Variants in PTER observed in about 807,000 individuals in gnomAD.
PTER encodes N-acetyltaurine hydrolase.
A neutral mutation model predicts 29.6 loss-of-function variants in PTER; 38 were observed. The ratio of observed to expected loss-of-function variants is 1.28; its 90% CI spans 0.99 to 1.68. The LOEUF (loss-of-function observed/expected upper bound fraction) is 1.68, where lower values mean the gene tolerates loss of function less well. PTER is among the 40% of genes most tolerant of loss of function. PTER has a pLI of 0.00. For missense variants in PTER, 482 were observed against 427.8 expected (o/e 1.13, Z -1.12); for synonymous variants, 172 against 154.5 (o/e 1.11, Z -0.84).
intron 3 of PTER, among the ~76,000 whole-genome samples, chr10:16,502,294 A>T (rs975580480): frequency 1.3e-5 from 2 of 152,154 alleles, no homozygotes; most frequent in South Asian, 4.1e-4. Context: ...TCCCGCTTAC[A>T]TTACTTTAAT....
intron 1 of PTER, among the ~76,000 whole-genome samples, chr10:16,467,962 G>A (rs549424689): frequency 2.7e-4 from 41 of 152,266 alleles, no homozygotes; most frequent in African/African-American, 5.1e-4. Context: ...TAGCTCTTCC[G>A]ATTTGGGAAA....
At chr10:16,466,180 C>G (rs6602120) in intron 1 of PTER, among the ~76,000 whole-genome samples, 92,464 of 151,890 alleles carry the variant, frequency 0.61, 28,979 homozygotes, top group East Asian at 0.81. Flanking sequence ...ATGGTGTTGA[C>G]TTTCCCAGGC....
intron 4 of PTER, among the ~76,000 whole-genome samples, chr10:16,506,672 G>T (rs1564411289): frequency 1.3e-5 from 2 of 152,072 alleles, no homozygotes; most frequent in Non-Finnish European, 2.9e-5. Context: ...TGGGGTGAAT[G>T]CAAACAGAAG....
At chr10:16,479,300 G>A (rs1348076504) in intron 1 of PTER, among the ~76,000 whole-genome samples, 4 of 152,204 alleles carry the variant, frequency 2.6e-5, no homozygotes, top group African/African-American at 9.6e-5. Context: ...AATATTAAAA[G>A]TTATAAATGC....
chr10:16,438,633 G>A (rs1170868652), intron 1 of PTER, among the ~76,000 whole-genome samples: 6 of 150,330 alleles, frequency 4.0e-5, no homozygotes, highest in Non-Finnish European at 8.9e-5. Flanking sequence ...ACACATTAAG[G>A]TGAGTGGTCT....
intron 1 of PTER, among the ~76,000 whole-genome samples, chr10:16,442,805 C>A (rs1588579034): frequency 6.6e-6 from 1 of 152,268 alleles, no homozygotes; most frequent in East Asian, 1.9e-4. Flanking sequence ...CATGGCGAAA[C>A]CCCATCTCTA....
rs527245398 is a variant in PTER, at chr10:16,445,078, T to TA, written c.-49+8036dup. Among the ~76,000 whole-genome samples, 377 of 152,308 alleles carry TA rather than the reference T, an allele frequency of 2.5e-3. 3 individuals are homozygous for TA. Among genetic ancestry groups the TA allele is most frequent in the African/African-American group, 8.5e-3 (354 of 41,578 alleles). On this transcript the variant is annotated intron_variant, in intron 1 of 4. Coordinates refer to ENST00000535784, the MANE Select transcript of PTER (RefSeq NM_001261836.2). ...AGCGAATTTTTGAGAATGTCCATAT[T>TA]AAAAAGTTTAAATAAAAGTTATTTT...
chr10:16,505,982 G>A (rs901412213), intron 4 of PTER, among the ~76,000 whole-genome samples: 1 of 151,042 alleles, frequency 6.6e-6, no homozygotes, highest in African/African-American at 2.4e-5. Flanking sequence ...TTAAGGAATG[G>A]AGTAGGAACC....
At chr10:16,441,992 T>C (rs761131012) in intron 1 of PTER, among the ~76,000 whole-genome samples, 1 of 152,210 alleles carries the variant, frequency 6.6e-6, no homozygotes, top group Non-Finnish European at 1.5e-5. Flanking sequence ...AAAGAGTAAT[T>C]ATTAGTTCTT....
intron 3 of PTER, among the ~76,000 whole-genome samples, chr10:16,492,795 G>A (rs1310830656): frequency 6.6e-6 from 1 of 152,208 alleles, no homozygotes; most frequent in Non-Finnish European, 1.5e-5. Context: ...AAGGAAAATA[G>A]CGCATCACTG....
At chr10:16,504,617 A>G (rs1193948192) in intron 3 of PTER, among the ~76,000 whole-genome samples, 1 of 152,232 alleles carries the variant, frequency 6.6e-6, no homozygotes, top group Non-Finnish European at 1.5e-5. Context: ...ACCTGAGGCC[A>G]GATTTCCTTT....
intron 1 of PTER, among the ~76,000 whole-genome samples, chr10:16,465,064 C>T (rs538757170): frequency 1.3e-5 from 2 of 152,262 alleles, no homozygotes; most frequent in East Asian, 3.9e-4. Context: ...GATTCAAATA[C>T]CTCCCACTGG....
chr10:16,469,182 G>T (rs1354463981), intron 1 of PTER, among the ~76,000 whole-genome samples: 2 of 152,148 alleles, frequency 1.3e-5, no homozygotes, highest in Non-Finnish European at 2.9e-5. Context: ...GGCAGAGTGG[G>T]AGTGGGCTGG....
chr10:16,514,503 A>G, downstream of PTER: 1 of 1,600,768 alleles, frequency 6.2e-7, no homozygotes. Flanking sequence ...TCAAACTCAG[A>G]ATAATAAGCT....
At chr10:16,488,019 G>A (rs533910204) in intron 3 of PTER, among the ~76,000 whole-genome samples, 5 of 152,262 alleles carry the variant, frequency 3.3e-5, no homozygotes, top group African/African-American at 1.2e-4. Flanking sequence ...AAAATACTGT[G>A]AAATCATGTG....
At chr10:16,446,755 G>A (rs1834027602) in intron 1 of PTER, among the ~76,000 whole-genome samples, 2 of 151,810 alleles carry the variant, frequency 1.3e-5, no homozygotes, top group African/African-American at 4.8e-5. Context: ...CACCAAGATT[G>A]TAAGACATTT....
chr10:16,439,788 C>T (rs1293066797), intron 1 of PTER, among the ~76,000 whole-genome samples: 1 of 152,076 alleles, frequency 6.6e-6, no homozygotes, highest in East Asian at 1.9e-4. Context: ...GTCTTAAACT[C>T]CTGGGCTCAA....
Position 16,446,420 on chromosome 10 carries a change from A to G in PTER, c.-49+9373A>G, listed in dbSNP as rs573301936. On this transcript the variant is annotated intron_variant, in intron 1 of 4. Coordinates refer to ENST00000535784, the MANE Select transcript of PTER (RefSeq NM_001261836.2). ...TTTTTACTAGAGACGTGTTTCCACC[A>G]TGTTGATCAGGCTGGTGCAGTGCCC... Among the ~76,000 whole-genome samples, 4 of 152,166 alleles carry G rather than the reference A, an allele frequency of 2.6e-5. No individual in the cohort carries two copies. The South Asian group carries it at 8.3e-4, about 32-fold the overall frequency.
intron 3 of PTER, among the ~76,000 whole-genome samples, chr10:16,501,378 C>A (rs951581072): frequency 6.7e-6 from 1 of 149,144 alleles, no homozygotes; most frequent in African/African-American, 2.5e-5. Flanking sequence ...CATGCACACA[C>A]ACACACACAC....
Sources: gnomAD v4.1 joint callset for allele counts (sites outside exome capture counted in the v4.1 genomes callset) on GRCh38, gnomAD v4.1.1 for gene constraint, MANE v1.5 for transcripts, NCBI Gene and HGNC (gene_info 2026-07-23, HGNC 2026-07-21) for gene names.